Variants in PRRX2 observed in about 807,000 individuals in gnomAD.
PRRX2 encodes the protein paired related homeobox 2.
Under a neutral mutation model 18.0 loss-of-function variants are expected in PRRX2, and 11 were observed. The ratio of observed to expected loss-of-function variants is 0.61; its 90% CI spans 0.39 to 1.01. The LOEUF is 1.01. PRRX2 is among the 50% of genes least tolerant of loss of function. The pLI, the probability that PRRX2 is intolerant of heterozygous loss-of-function variation, is 0.01. For synonymous variants in PRRX2, 177 were observed against 154.8 expected, an observed-to-expected ratio of 1.14 and a Z score of -1.06; for missense variants, 387 against 351.0, an observed-to-expected ratio of 1.10 and a Z score of -0.82.
chr9:129,705,273 G>T lies in PRRX2; in HGVS notation c.260-13958G>T, dbSNP rs77493166. On this transcript the variant is annotated intron_variant, in intron 1 of 3. Coordinates refer to ENST00000372469, the MANE Select transcript of PRRX2 (RefSeq NM_016307.4). ...GAGGGAGGTAGTCAGGCACCAAAAC[G>T]CAGGGGCTGAGGGATATGAGGGGAG... Among the ~76,000 whole-genome samples, 988 of 152,238 alleles carry T rather than the reference G, an allele frequency of 6.5e-3. 5 individuals are homozygous for T. Among genetic ancestry groups the T allele is most frequent in the African/African-American group, 0.022 (930 of 41,548 alleles).
At chr9:129,668,072 G>A (rs952387460) in intron 1 of PRRX2, among the ~76,000 whole-genome samples, 3 of 152,194 alleles carry the variant, frequency 2.0e-5, no homozygotes, top group African/African-American at 4.8e-5. Context: ...CCCTGAGGAC[G>A]ATGGAGCCCT....
chr9:129,693,684 GGAA>G, intron 1 of PRRX2, among the ~76,000 whole-genome samples: 1 of 152,296 alleles, frequency 6.6e-6, no homozygotes, highest in Non-Finnish European at 1.5e-5. Flanking sequence ...ATGTGCAGGA[GGAA>G]GAATATTGTC....
In PRRX2 at chr9:129,702,531, G is replaced by C. The variant is rs1018655591; in HGVS notation, c.260-16700G>C. Among the ~76,000 whole-genome samples the C allele has an allele frequency of 2.7e-4, 41 of 152,378 alleles. 1 individual carries two copies. Among genetic ancestry groups the C allele is most frequent in the South Asian group, 2.5e-3 (12 of 4,834 alleles). ...AATGTGGCCTGTTCGACTGAGGAAT[G>C]GAATTTGTATTTTTATTTCATTTTA... On this transcript the variant is annotated intron_variant, in intron 1 of 3. Coordinates refer to ENST00000372469, the MANE Select transcript of PRRX2 (RefSeq NM_016307.4).
At chr9:129,672,886 A>G (rs754648156) in intron 1 of PRRX2, among the ~76,000 whole-genome samples, 7 of 18,728 alleles carry the variant, frequency 3.7e-4, no homozygotes, top group East Asian at 1.4e-3. Context: ...GCACTTGTTC[A>G]TTCATTCATT....
At chr9:129,677,506 C>T (rs117437569) in intron 1 of PRRX2, among the ~76,000 whole-genome samples, 4 of 152,310 alleles carry the variant, frequency 2.6e-5, no homozygotes, top group East Asian at 1.9e-4. Flanking sequence ...CCCCACCTCC[C>T]GGTTCCTGCC....
rs553713809 is a variant in PRRX2 at position 129,665,760 on chromosome 9, T to A, written c.-108T>A. ...CGCGAGGCTAGGAGGCGGCGGGAGC[T>A]GGGCAGAGCGCGGGGCGGCCGGGGC... On this transcript the variant is annotated 5_prime_UTR_variant, in exon 1 of 4. Coordinates refer to ENST00000372469, the MANE Select transcript of PRRX2 (RefSeq NM_016307.4). This position sits in a 1 kb window ranked among gnomAD's most constrained non-coding sequence, Gnocchi z 5.3. 55 of 832,358 alleles carry A rather than the reference T, an allele frequency of 6.6e-5. 1 individual carries two copies. In the South Asian group the frequency reaches 2.5e-3, roughly 38 times the overall value. The allele number at this position is 832,358 out of a possible 1,614,324, so 51.6% of individuals were successfully genotyped here.
intron 1 of PRRX2, among the ~76,000 whole-genome samples, chr9:129,703,966 G>C (rs779928565): frequency 1.3e-5 from 2 of 152,240 alleles, no homozygotes; most frequent in African/African-American, 2.4e-5. Context: ...ATGAAGGGCT[G>C]GCCAGGGGAC....
chr9:129,708,734 C>G (rs1189534298), intron 1 of PRRX2, among the ~76,000 whole-genome samples: 3 of 152,342 alleles, frequency 2.0e-5, no homozygotes, highest in Admixed American at 6.5e-5. Context: ...CAGCCATCGT[C>G]TGGCCCTTTT....
In PRRX2 at chr9:129,671,537, G is replaced by A. The variant is rs949862459; in HGVS notation, c.259+5411G>A. Among the ~76,000 whole-genome samples, 9 of 152,178 alleles carry A rather than the reference G, an allele frequency of 5.9e-5. No homozygotes were observed. Among genetic ancestry groups the A allele is most frequent in the East Asian group, 1.9e-4 (1 of 5,176 alleles). ...AGCAGCTTGGAGCAGTAGTGACAGCGCCGGCTTACACACCTCCCTTGAGGC... is the reference window on the plus strand; with the variant it reads ...AGCAGCTTGGAGCAGTAGTGACAGCACCGGCTTACACACCTCCCTTGAGGC... On this transcript the variant is annotated intron_variant, in intron 1 of 3. Transcript: ENST00000372469. The surrounding 1 kb of genome is among the most constrained non-coding windows in gnomAD (Gnocchi z 4.0).
chr9:129,722,373 C>T lies in PRRX2; in HGVS notation c.*21C>T. ...ACTGAAGTCCAGTCCCACCAGGACC[C>T]AGACGCCTCCCTGGGTGGACAGCAA... is the stretch of plus-strand genomic sequence containing the variant. On this transcript the variant is annotated 3_prime_UTR_variant, in exon 4 of 4. Coordinates refer to ENST00000372469, the MANE Select transcript of PRRX2 (RefSeq NM_016307.4). 1 of 1,612,074 alleles carries T rather than the reference C, an allele frequency of 6.2e-7. No individual in the cohort carries two copies.
At chr9:129,668,903 C>T (rs1832063360) in intron 1 of PRRX2, among the ~76,000 whole-genome samples, 1 of 151,568 alleles carries the variant, frequency 6.6e-6, no homozygotes, top group South Asian at 2.1e-4. Context: ...AATCCCAGCA[C>T]TTTGGGAGGC....
At chr9:129,673,834 T>C (rs892090156) in intron 1 of PRRX2, among the ~76,000 whole-genome samples, 4 of 151,884 alleles carry the variant, frequency 2.6e-5, no homozygotes, top group Admixed American at 6.6e-5. Flanking sequence ...TGCGAGGTGG[T>C]GAGTAGGAGA....
intron 1 of PRRX2, among the ~76,000 whole-genome samples, chr9:129,680,551 A>C (rs1176105927): frequency 6.7e-6 from 1 of 150,156 alleles, no homozygotes; most frequent in Non-Finnish European, 1.5e-5. Flanking sequence ...AGATGGAAAA[A>C]CTGAGGGAGA....
At chr9:129,703,598 C>G (rs931559448) in intron 1 of PRRX2, among the ~76,000 whole-genome samples, 8 of 152,106 alleles carry the variant, frequency 5.3e-5, no homozygotes, top group African/African-American at 1.9e-4. Flanking sequence ...AATAACAGTA[C>G]CCTCTGCATT....
chr9:129,669,967 C>T (rs1209649391), intron 1 of PRRX2, among the ~76,000 whole-genome samples: 1 of 150,770 alleles, frequency 6.6e-6, no homozygotes, highest in Admixed American at 6.7e-5. Context: ...TCTTCCCAAA[C>T]TGAAACCGCA....
At chr9:129,717,102 A>G (rs1209248492) in intron 1 of PRRX2, among the ~76,000 whole-genome samples, 3 of 152,056 alleles carry the variant, frequency 2.0e-5, no homozygotes, top group African/African-American at 7.2e-5. Flanking sequence ...GCTGGAGTGC[A>G]GTGGCATAAT....
chr9:129,720,921 G>C, intron 3 of PRRX2, 147 bp downstream of exon 3: 1 of 966,024 alleles, frequency 1.0e-6, no homozygotes, highest in African/African-American at 1.7e-5. Flanking sequence ...AGTGATGTGT[G>C]GCGAGTGTGC....
intron 1 of PRRX2, among the ~76,000 whole-genome samples, chr9:129,697,661 G>C (rs1410124391): frequency 6.6e-6 from 1 of 151,980 alleles, no homozygotes; most frequent in East Asian, 1.9e-4. Context: ...CCCCCGCCCA[G>C]CAAGCCAGCT....
intron 3 of PRRX2, among the ~76,000 whole-genome samples, chr9:129,721,592 A>T (rs1832792665): frequency 6.6e-6 from 1 of 151,080 alleles, no homozygotes; most frequent in Non-Finnish European, 1.5e-5. Flanking sequence ...TTATGTATTT[A>T]TTTTTGAGAC....
Sources: allele counts gnomAD v4.1 joint callset (sites outside exome capture counted in the v4.1 genomes callset), GRCh38; gene constraint gnomAD v4.1.1; non-coding constraint Gnocchi (gnomAD v3.1); transcripts MANE v1.5; gene names NCBI Gene and HGNC (gene_info 2026-07-23, HGNC 2026-07-21).